The following RBFOX1 variants were observed in gnomAD, a reference collection of about 807,000 sequenced individuals.
The protein encoded by RBFOX1 is RNA binding fox-1 homolog 1, also known as RNA binding protein fox-1 homolog 1.
Under a neutral mutation model 57.7 loss-of-function variants are expected in RBFOX1, and 8 were observed. The observed-to-expected ratio is 0.14, with a 90% confidence interval of 0.08 to 0.25. The LOEUF (loss-of-function observed/expected upper bound fraction) is 0.25, where lower values mean the gene tolerates loss of function less well. RBFOX1 is among the 10% of genes least tolerant of loss of function. The pLI, the probability that RBFOX1 is intolerant of heterozygous loss-of-function variation, is 1.00. For missense variants in RBFOX1, 611 were observed against 548.5 expected, an observed-to-expected ratio of 1.11 and a Z score of -1.14; for synonymous variants, 326 against 222.4, an observed-to-expected ratio of 1.47 and a Z score of -4.15.
At chr16:7,451,785 C>G (rs1298557463) in intron 4 of RBFOX1, among the ~76,000 whole-genome samples, 1 of 149,480 alleles carries the variant, frequency 6.7e-6, no homozygotes, top group East Asian at 2.0e-4. Context: ...TTTGTGTCAG[C>G]TTCAGCTGAG....
chr16:5,352,890 C>T (rs1382160419), intron 1 of RBFOX1, among the ~76,000 whole-genome samples: 1 of 152,128 alleles, frequency 6.6e-6, no homozygotes, highest in African/African-American at 2.4e-5. Context: ...CTGCAGTCAG[C>T]TATGATTGTG....
chr16:6,502,915 T>A (rs2095979879), intron 2 of RBFOX1, among the ~76,000 whole-genome samples: 1 of 152,214 alleles, frequency 6.6e-6, no homozygotes, highest in African/African-American at 2.4e-5. Flanking sequence ...ACCGTCATAT[T>A]ATGTAGCCAC....
chr16:5,438,420 G>A (rs1175525497), intron 1 of RBFOX1, among the ~76,000 whole-genome samples: 2 of 152,140 alleles, frequency 1.3e-5, no homozygotes, highest in Non-Finnish European at 2.9e-5. Flanking sequence ...ATAAAGCAGT[G>A]GACAAGTGTA....
In RBFOX1 at chr16:5,514,724, A is replaced by G. The variant is rs577616737; in HGVS notation, c.258+47470A>G. Among the ~76,000 whole-genome samples, 4 of 152,092 alleles carry G rather than the reference A, an allele frequency of 2.6e-5. No homozygotes were observed. The South Asian group carries it at 8.3e-4, about 32-fold the overall frequency. ...CAAAAGATGAAGAAAGAGGAGGAGG[A>G]GCAGGAGGAGGAGGAGGGAAGGAGG... On this transcript the variant is annotated intron_variant, in intron 2 of 2. Coordinates refer to the RBFOX1 transcript ENST00000585867.
intron 12 of RBFOX1, among the ~76,000 whole-genome samples, chr16:7,663,065 G>A (rs2068178375): frequency 6.6e-6 from 1 of 152,222 alleles, no homozygotes; most frequent in African/African-American, 2.4e-5. Flanking sequence ...ATGAAAGAAT[G>A]GGATGGAGCG....
At chr16:5,734,092 C>T (rs543131147) in intron 3 of RBFOX1, among the ~76,000 whole-genome samples, 17 of 152,282 alleles carry the variant, frequency 1.1e-4, no homozygotes, top group African/African-American at 3.6e-4. Flanking sequence ...GAGAAAACTC[C>T]ATCCTTACGC....
chr16:6,000,043 G>A (rs949801863), intron 4 of RBFOX1, among the ~76,000 whole-genome samples: 1 of 152,084 alleles, frequency 6.6e-6, no homozygotes, highest in Non-Finnish European at 1.5e-5. Context: ...CAGGCTGTGT[G>A]GGATGACTGT....
chr16:7,308,553 T>C (rs1010541862), intron 4 of RBFOX1, among the ~76,000 whole-genome samples: 1 of 152,168 alleles, frequency 6.6e-6, no homozygotes, highest in African/African-American at 2.4e-5. Flanking sequence ...CGAAGATTGG[T>C]AATTTTTCCC....
chr16:7,221,999 A>G (rs2092766564), intron 4 of RBFOX1, among the ~76,000 whole-genome samples: 1 of 152,160 alleles, frequency 6.6e-6, no homozygotes, highest in South Asian at 2.1e-4. Flanking sequence ...GCAGCATTTT[A>G]TTTTTACCAT....
rs2065700346 is a variant in RBFOX1 at position 6,892,520 on chromosome 16, A to C, written c.-15-159537A>C. On this transcript the variant is annotated intron_variant, in intron 3 of 15. Coordinates refer to ENST00000550418, the MANE Select transcript of RBFOX1 (RefSeq NM_018723.4). ...CCCTGATTCTACTAAAAATACAAAAATTAGCTGCGCATGGTGGCACACACC... is the reference window on the plus strand; with the variant it reads ...CCCTGATTCTACTAAAAATACAAAACTTAGCTGCGCATGGTGGCACACACC... 2.0e-5 allele frequency among the ~76,000 whole-genome samples: 3 copies of C among 152,168 alleles called. No homozygotes were observed. In the Middle Eastern group the frequency reaches 0.01, roughly 518 times the overall value.
intron 4 of RBFOX1, among the ~76,000 whole-genome samples, chr16:5,968,934 C>G (rs567210648): frequency 6.6e-6 from 1 of 152,138 alleles, no homozygotes; most frequent in South Asian, 2.1e-4. Context: ...ATAAAATTCA[C>G]CTTTGCTGAG....
At chr16:6,914,147 CATA>C (rs2072472056) in intron 3 of RBFOX1, among the ~76,000 whole-genome samples, 1 of 152,208 alleles carries the variant, frequency 6.6e-6, no homozygotes, top group African/African-American at 2.4e-5. Context: ...GAAATACGAA[CATA>C]ATGAGTGCAT....
chr16:7,291,462 G>T (rs1405550766), intron 4 of RBFOX1, among the ~76,000 whole-genome samples: 3 of 152,136 alleles, frequency 2.0e-5, no homozygotes, highest in Admixed American at 6.5e-5. Flanking sequence ...AGCCTTAATA[G>T]TTGGGAGATG....
chr16:7,195,148 A>G (rs2086385090), intron 4 of RBFOX1, among the ~76,000 whole-genome samples: 1 of 152,128 alleles, frequency 6.6e-6, no homozygotes, highest in African/African-American at 2.4e-5. Flanking sequence ...TTTGTGCCTC[A>G]TATTGCATTT....
intron 4 of RBFOX1, among the ~76,000 whole-genome samples, chr16:7,079,543 TTTAGAGGTGGTGTC>T (rs2058835496): frequency 6.6e-6 from 1 of 152,168 alleles, no homozygotes; most frequent in Non-Finnish European, 1.5e-5. Flanking sequence ...TCTTGGAGTA[TTTAGAGGTGGTGTC>T]ACATCTGTTT....
intron 3 of RBFOX1, among the ~76,000 whole-genome samples, chr16:6,732,662 A>G (rs2068967670): frequency 2.0e-5 from 3 of 152,246 alleles, no homozygotes; most frequent in African/African-American, 7.2e-5. Flanking sequence ...AGCAAGGTGA[A>G]TGCTTAGCAT....
intron 2 of RBFOX1, among the ~76,000 whole-genome samples, chr16:6,641,298 T>C (rs1160284473): frequency 2.0e-5 from 3 of 152,116 alleles, no homozygotes; most frequent in African/African-American, 7.2e-5. Context: ...GAGGACAGCA[T>C]TGTAACACGG....
upstream of RBFOX1, among the ~76,000 whole-genome samples, chr16:6,017,341 T>C (rs1341105834): frequency 6.6e-6 from 1 of 152,198 alleles, no homozygotes; most frequent in African/African-American, 2.4e-5. Context: ...ATAATTTGCT[T>C]TTAAATTGAG....
At chr16:7,206,451 T>C (rs2089988799) in intron 4 of RBFOX1, among the ~76,000 whole-genome samples, 1 of 146,894 alleles carries the variant, frequency 6.8e-6, no homozygotes, top group Non-Finnish European at 1.5e-5. Context: ...TATTTCCTTA[T>C]TAATATATAT....
Sources: allele counts gnomAD v4.1 joint callset (sites outside exome capture counted in the v4.1 genomes callset), GRCh38; gene constraint gnomAD v4.1.1; transcripts MANE v1.5; gene names NCBI Gene and HGNC (gene_info 2026-07-23, HGNC 2026-07-21).